Variants in MAF observed in about 807,000 individuals in gnomAD.
MAF encodes MAF bZIP transcription factor.
A neutral mutation model predicts 22.0 loss-of-function variants in MAF; 10 were observed. The observed-to-expected ratio is 0.45, with a 90% CI of 0.28 to 0.77. MAF has a LOEUF of 0.77. MAF is among the 30% of genes least tolerant of loss of function. The pLI, the probability that MAF is intolerant of heterozygous loss-of-function variation, is 0.12. For missense variants in MAF, 544 were observed against 548.4 expected (o/e 0.99, Z 0.08); for synonymous variants, 337 against 255.8 (o/e 1.32, Z -3.03).
At chr16:79,391,899 CAGG>C in the MAF span, among the ~76,000 whole-genome samples, 1 of 48,362 alleles carries the variant, frequency 2.1e-5, no homozygotes, top group East Asian at 3.1e-4. Flanking sequence ...GGAGGAGGAG[CAGG>C]AGGAGGAGAA....
At chr16:79,565,587 G>A in the MAF span, among the ~76,000 whole-genome samples, 1 of 152,058 alleles carries the variant, frequency 6.6e-6, no homozygotes, top group African/African-American at 2.4e-5. Flanking sequence ...GAGTTCTCAT[G>A]AGATCTGATG....
At chr16:79,210,061 A>C in the MAF span, among the ~76,000 whole-genome samples, 1 of 152,232 alleles carries the variant, frequency 6.6e-6, no homozygotes, top group African/African-American at 2.4e-5. Flanking sequence ...CAAATTCAGG[A>C]CCAGTGGAAC....
chr16:79,359,148 T>C, the MAF span, among the ~76,000 whole-genome samples: 1 of 152,200 alleles, frequency 6.6e-6, no homozygotes, highest in Non-Finnish European at 1.5e-5. Flanking sequence ...TCTCTCTCCA[T>C]ACATCATTCC....
the MAF span, among the ~76,000 whole-genome samples, chr16:79,252,435 A>G: frequency 6.6e-6 from 1 of 152,148 alleles, no homozygotes; most frequent in East Asian, 1.9e-4. Flanking sequence ...AATGTGGCCC[A>G]TGGGCTGTCA....
the MAF span, among the ~76,000 whole-genome samples, chr16:79,272,471 A>T: frequency 6.6e-6 from 1 of 151,842 alleles, no homozygotes; most frequent in African/African-American, 2.4e-5. Context: ...GTGGAGGGGG[A>T]GGTGGGAGCT....
the MAF span, among the ~76,000 whole-genome samples, chr16:79,482,354 A>T: frequency 6.6e-6 from 1 of 152,250 alleles, no homozygotes; most frequent in Non-Finnish European, 1.5e-5. Flanking sequence ...GTGTTCCAGG[A>T]GAAGGCTTAC....
the MAF span, among the ~76,000 whole-genome samples, chr16:79,298,769 G>A: frequency 2.3e-4 from 35 of 152,250 alleles, no homozygotes; most frequent in Non-Finnish European, 1.0e-4. Flanking sequence ...CGGACGTGAC[G>A]GAAGCTGGTG....
At chr16:79,478,286 C>T in the MAF span, among the ~76,000 whole-genome samples, 1 of 152,196 alleles carries the variant, frequency 6.6e-6, no homozygotes, top group African/African-American at 2.4e-5. Context: ...CCACACTTTA[C>T]AGGGCTACAA....
At chr16:79,482,692 C>T in the MAF span, among the ~76,000 whole-genome samples, 1 of 152,090 alleles carries the variant, frequency 6.6e-6, no homozygotes, top group African/African-American at 2.4e-5. Context: ...GGGGTGGTGG[C>T]TGCTGGAGGT....
At chr16:79,492,386 G>A in the MAF span, among the ~76,000 whole-genome samples, 5 of 151,894 alleles carry the variant, frequency 3.3e-5, no homozygotes, top group East Asian at 1.9e-4. Flanking sequence ...CAACGTATCC[G>A]AATTTTAAAG....
At chr16:79,204,408 G>C in the MAF span, 4 of 152,126 alleles carry the variant, frequency 2.6e-5, no homozygotes, top group African/African-American at 9.6e-5. Flanking sequence ...TCCTTCCCTC[G>C]TTAGGAGTAC....
At chr16:79,442,334 G>C in the MAF span, among the ~76,000 whole-genome samples, 1 of 152,088 alleles carries the variant, frequency 6.6e-6, no homozygotes, top group Non-Finnish European at 1.5e-5. Flanking sequence ...AACATAAAGA[G>C]CTGAGTCCAC....
At chr16:79,226,367 A>G in the MAF span, among the ~76,000 whole-genome samples, 3,971 of 152,020 alleles carry the variant, frequency 0.026, 161 homozygotes, top group African/African-American at 0.092. Flanking sequence ...ATCACATACC[A>G]GGGCCTGTCA....
the MAF span, among the ~76,000 whole-genome samples, chr16:79,416,379 G>A: frequency 6.6e-6 from 1 of 152,200 alleles, no homozygotes; most frequent in East Asian, 1.9e-4. Flanking sequence ...TATGTTCCCA[G>A]CATGTGAAAC....
At chr16:79,349,703 C>A in the MAF span, among the ~76,000 whole-genome samples, 1 of 152,166 alleles carries the variant, frequency 6.6e-6, no homozygotes, top group Non-Finnish European at 1.5e-5. Flanking sequence ...TGTTTGGCTT[C>A]AGTTTAAAAC....
At chr16:79,279,387 A>G in the MAF span, among the ~76,000 whole-genome samples, 13 of 152,198 alleles carry the variant, frequency 8.5e-5, no homozygotes, top group Admixed American at 2.6e-4. Flanking sequence ...TTTCACTTCT[A>G]TTAAGGGACA....
the MAF span, among the ~76,000 whole-genome samples, chr16:79,559,332 G>A: frequency 6.6e-6 from 1 of 152,156 alleles, no homozygotes; most frequent in Non-Finnish European, 1.5e-5. Context: ...AGAACGAAAA[G>A]GCCCCAGTTA....
the MAF span, among the ~76,000 whole-genome samples, chr16:79,348,660 T>C: frequency 6.6e-6 from 1 of 152,218 alleles, no homozygotes; most frequent in Non-Finnish European, 1.5e-5. Context: ...AACAAAAGCA[T>C]GGCTTGGGCC....
At chr16:79,515,919 C>A in the MAF span, 1 of 151,114 alleles carries the variant, frequency 6.6e-6, no homozygotes, top group African/African-American at 2.4e-5. Flanking sequence ...CTCTTGCTAA[C>A]CCACACTGCA....
Sources: gnomAD v4.1 joint callset for allele counts (sites outside exome capture counted in the v4.1 genomes callset) on GRCh38, gnomAD v4.1.1 for gene constraint, MANE v1.5 for transcripts, NCBI Gene and HGNC (gene_info 2026-07-23, HGNC 2026-07-21) for gene names.